FARS2: variants seen among roughly 807,000 people sequenced by gnomAD.
FARS2 encodes the protein phenylalanine--tRNA ligase, mitochondrial.
A neutral mutation model predicts 46.4 loss-of-function variants in FARS2; 40 were observed. The ratio of observed to expected loss-of-function variants is 0.86; its 90% CI spans 0.67 to 1.12. FARS2 has a LOEUF of 1.12. Ranked by LOEUF, FARS2 falls within the 50% of genes most tolerant of loss-of-function variation. The pLI is 0.00. For synonymous variants in FARS2, 234 were observed against 214.9 expected (o/e 1.09, Z -0.78); for missense variants, 513 against 567.9 (o/e 0.90, Z 0.98).
At position 5,700,152 on chromosome 6, in the gene FARS2, C is replaced by T. The variant is rs975798421; in HGVS notation, c.1218-71139C>T. 2.7e-4 allele frequency among the ~76,000 whole-genome samples: 41 copies of T among 152,324 alleles called. 1 individual carries two copies. The highest frequency in any genetic ancestry group is 9.4e-4 in the African/African-American group (39 of 41,582). On this transcript the variant is annotated intron_variant, in intron 6 of 6. Coordinates refer to ENST00000274680, the MANE Select transcript of FARS2 (RefSeq NM_006567.5). ...TCTAAATTTTTCATTGAAAATGCCA[C>T]GGCTACAAGTCACGGAGACATAAAT...
intron 6 of FARS2, among the ~76,000 whole-genome samples, chr6:5,753,125 C>G (rs1418785978): frequency 2.0e-5 from 3 of 152,068 alleles, no homozygotes; most frequent in African/African-American, 7.2e-5. Flanking sequence ...TCCCTTCGTT[C>G]TTGATTTGAG....
chr6:5,534,237 A>C (rs1770041403), intron 4 of FARS2, among the ~76,000 whole-genome samples: 1 of 141,776 alleles, frequency 7.1e-6, no homozygotes, highest in Non-Finnish European at 1.6e-5. Flanking sequence ...CAAAATTTTA[A>C]ATATCTACAT....
At chr6:5,717,923 T>TAGAGAGAGAGAGAGAGAGAGAGAG (rs1240643852) in intron 6 of FARS2, among the ~76,000 whole-genome samples, 43 of 31,232 alleles carry the variant, frequency 1.4e-3, no homozygotes, top group African/African-American at 0.01. Context: ...TATATATATA[T>TAGAGAGAGAGAGAGAGAGAGAGAG]ATATATATAT....
At chr6:5,558,145 G>T (rs1254870602) in intron 5 of FARS2, among the ~76,000 whole-genome samples, 2 of 152,172 alleles carry the variant, frequency 1.3e-5, no homozygotes, top group East Asian at 3.8e-4. Context: ...AAAGGTAAAT[G>T]TAGTTTTTCT....
intron 3 of FARS2, among the ~76,000 whole-genome samples, chr6:5,408,237 C>T (rs533668478): frequency 6.6e-6 from 1 of 152,330 alleles, no homozygotes; most frequent in African/African-American, 2.4e-5. Context: ...CAAGGCGCCT[C>T]CTCCTGAGCC....
chr6:5,669,651 G>C (rs1031789516), intron 6 of FARS2, among the ~76,000 whole-genome samples: 1 of 152,132 alleles, frequency 6.6e-6, no homozygotes, highest in African/African-American at 2.4e-5. Flanking sequence ...ATGCTGTTCT[G>C]TGGTATTATA....
At chr6:5,297,298 T>A (rs1188949860) in intron 1 of FARS2, among the ~76,000 whole-genome samples, 1 of 152,124 alleles carries the variant, frequency 6.6e-6, no homozygotes, top group Non-Finnish European at 1.5e-5. Flanking sequence ...CCTTCAGAGT[T>A]CATGTTATGA....
intron 6 of FARS2, among the ~76,000 whole-genome samples, chr6:5,756,406 G>T (rs1268765020): frequency 2.6e-5 from 4 of 152,178 alleles, no homozygotes; most frequent in Admixed American, 1.3e-4. Context: ...TCACAGTTCT[G>T]CAGGCTGTAC....
chr6:5,762,616 C>G (rs1762534147), intron 6 of FARS2, among the ~76,000 whole-genome samples: 1 of 152,218 alleles, frequency 6.6e-6, no homozygotes, highest in Non-Finnish European at 1.5e-5. Context: ...GCATTTCTTG[C>G]CTGCAAAACA....
chr6:5,631,675 C>G (rs1776299953), intron 6 of FARS2, among the ~76,000 whole-genome samples: 1 of 152,180 alleles, frequency 6.6e-6, no homozygotes, highest in Non-Finnish European at 1.5e-5. Context: ...AGTGGCTGGA[C>G]CAAGTGGAGG....
chr6:5,528,963 C>T (rs1440836661), intron 4 of FARS2, among the ~76,000 whole-genome samples: 1 of 152,142 alleles, frequency 6.6e-6, no homozygotes, highest in Non-Finnish European at 1.5e-5. Flanking sequence ...CAGTGGCATC[C>T]TCTTGCTCCT....
chr6:5,548,446 T>C (rs1366064534), intron 5 of FARS2, among the ~76,000 whole-genome samples: 2 of 152,258 alleles, frequency 1.3e-5, no homozygotes, highest in Admixed American at 6.5e-5. Flanking sequence ...TGAATAATTA[T>C]CTGTTTTATT....
intron 6 of FARS2, among the ~76,000 whole-genome samples, chr6:5,762,493 C>T (rs1436705186): frequency 2.6e-5 from 4 of 152,180 alleles, no homozygotes; most frequent in African/African-American, 9.7e-5. Flanking sequence ...AGGTGCTTGG[C>T]AGGAGACACT....
At chr6:5,408,195 G>C (rs1446300831) in intron 3 of FARS2, among the ~76,000 whole-genome samples, 1 of 152,124 alleles carries the variant, frequency 6.6e-6, no homozygotes, top group Non-Finnish European at 1.5e-5. Context: ...CTCTCTCCTT[G>C]GGAAACATAG....
At chr6:5,318,708 G>A (rs1455252919) in intron 1 of FARS2, among the ~76,000 whole-genome samples, 1 of 152,186 alleles carries the variant, frequency 6.6e-6, no homozygotes, top group Non-Finnish European at 1.5e-5. Flanking sequence ...ACTCTCTAGA[G>A]CTTTCCCCTT....
In FARS2 at chr6:5,629,433, G is replaced by A. The variant is rs576565596; in HGVS notation, c.1217+16113G>A. On this transcript the variant is annotated intron_variant, in intron 6 of 6. Transcript: ENST00000274680. The stretch of plus-strand genomic sequence containing the variant: ...TATGGAAGGGGCCTAGAAATTTCAG[G>A]TAGAATGTATATGTCTGTCTTTGTA... Among the ~76,000 whole-genome samples, 26 of 152,232 alleles carry A rather than the reference G, an allele frequency of 1.7e-4. 1 individual carries two copies. The South Asian group carries it at 5.0e-3, about 29-fold the overall frequency.
intron 1 of FARS2, among the ~76,000 whole-genome samples, chr6:5,334,681 C>T (rs1771036148): frequency 6.6e-6 from 1 of 152,168 alleles, no homozygotes; most frequent in Admixed American, 6.5e-5. Context: ...TATACTTATA[C>T]ATACAAGATG....
At chr6:5,620,164 A>G (rs1447304670) in intron 6 of FARS2, among the ~76,000 whole-genome samples, 1 of 151,814 alleles carries the variant, frequency 6.6e-6, no homozygotes, top group Non-Finnish European at 1.5e-5. Context: ...CCCGGCCTCT[A>G]CTCACTAGAT....
intron 4 of FARS2, among the ~76,000 whole-genome samples, chr6:5,510,908 T>C (rs747927653): frequency 6.6e-5 from 10 of 152,294 alleles, no homozygotes; most frequent in Admixed American, 2.6e-4. Context: ...GCTTTACCGG[T>C]ATGCAGAGAT....
Sources: allele counts gnomAD v4.1 joint callset (sites outside exome capture counted in the v4.1 genomes callset), GRCh38; gene constraint gnomAD v4.1.1; transcripts MANE v1.5; gene names NCBI Gene and HGNC (gene_info 2026-07-23, HGNC 2026-07-21).